The following ZNF831 variants were observed in gnomAD, a reference collection of about 807,000 sequenced individuals.
ZNF831 encodes the protein chromosome 20 open reading frame 174.
In ZNF831, 59 loss-of-function variants were observed where a neutral mutation model predicts 95.8. The ratio of observed to expected loss-of-function variants is 0.62; its 90% CI spans 0.50 to 0.77. The LOEUF (loss-of-function observed/expected upper bound fraction) is 0.77, where lower values mean the gene tolerates loss of function less well. Ranked by LOEUF, ZNF831 falls within the 30% of genes least tolerant of loss-of-function variation. The pLI is 0.00. For synonymous variants in ZNF831, 961 were observed against 925.5 expected (o/e 1.04, Z -0.70); for missense variants, 2,205 against 2,164.0 (o/e 1.02, Z -0.38).
rs1433868029 is a variant in ZNF831, at chr20:59,257,969, CCTCCTTGGCAACCT to C, written c.*3227_*3240del. On this transcript the variant is annotated 3_prime_UTR_variant, in exon 6 of 6. Transcript: ENST00000371030. ...TGGAGGGAAGAGGTTTCAATCCTTC[CCTCCTTGGCAACCT>C]ACATTGTTAAGTGACTCAAAGTCAT... 1 of 152,156 alleles carries C rather than the reference CCTCCTTGGCAACCT, an allele frequency of 6.6e-6. No homozygotes were observed. The highest frequency in any genetic ancestry group is 1.5e-5 in the Non-Finnish European group (1 of 68,036). The allele number at this position is 152,156 out of a possible 1,614,324, so 9.4% of individuals were successfully genotyped here.
chr20:59,214,532 C>T (rs924364249), intron 4 of ZNF831, among the ~76,000 whole-genome samples: 3 of 152,196 alleles, frequency 2.0e-5, no homozygotes, highest in African/African-American at 4.8e-5. Flanking sequence ...TCCCTTCTAG[C>T]CCAAGGAGAA....
At chr20:59,212,382 C>T (rs773756476) in intron 4 of ZNF831, among the ~76,000 whole-genome samples, 10 of 152,210 alleles carry the variant, frequency 6.6e-5, no homozygotes, top group Middle Eastern at 6.8e-3. Flanking sequence ...TGAGACTGCC[C>T]GGACAACTGA....
At chr20:59,157,651 G>A (rs1980612530) in intron 2 of ZNF831, among the ~76,000 whole-genome samples, 1 of 152,156 alleles carries the variant, frequency 6.6e-6, no homozygotes, top group Non-Finnish European at 1.5e-5. Context: ...GTTTCATAAG[G>A]ACAAAGGATT....
chr20:59,141,792 TGCTATGTCA>T (rs1979688809), intron 1 of ZNF831, among the ~76,000 whole-genome samples: 1 of 152,258 alleles, frequency 6.6e-6, no homozygotes, highest in African/African-American at 2.4e-5. Context: ...CACATAAGTT[TGCTATGTCA>T]GCTAGAGCTG....
At chr20:59,232,994 G>GCGCGCA (rs1491469214) in intron 4 of ZNF831, among the ~76,000 whole-genome samples, 11 of 123,084 alleles carry the variant, frequency 8.9e-5, no homozygotes, top group African/African-American at 3.4e-4. Flanking sequence ...GGACCCTGAG[G>GCGCGCA]CACACACACA....
rs1040714434 is a variant in ZNF831, at chr20:59,208,380, C to T, written c.4027+1324C>T. 2.0e-5 allele frequency among the ~76,000 whole-genome samples: 3 copies of T among 152,154 alleles called. No individual in the cohort carries two copies. Among genetic ancestry groups the T allele is most frequent in the Non-Finnish European group, 4.4e-5 (3 of 68,034 alleles). On this transcript the variant is annotated intron_variant, in intron 4 of 5. Coordinates refer to ENST00000371030, the MANE Select transcript of ZNF831 (RefSeq NM_178457.3). This position sits in a 1 kb window ranked among gnomAD's most constrained non-coding sequence, Gnocchi z 4.2. ...AGAGGATGTCTCCCCCATGCAAAGG[C>T]CAGGGGACCATGCAACTCTCTGCTT...
chr20:59,169,656 G>A lies in ZNF831; in HGVS notation c.-37+5449G>A, dbSNP rs1235608107. On this transcript the variant is annotated intron_variant, in intron 1 of 5. Coordinates refer to ENST00000371030, the MANE Select transcript of ZNF831 (RefSeq NM_178457.3). This position sits in a 1 kb window ranked among gnomAD's most constrained non-coding sequence, Gnocchi z 4.1. Reference sequence around the variant, plus strand: ...TGGTGCGCACCTGTAATCCCAGCATGTTGCAAGCTGAGGCAGGAGGATCAG... The same window carrying A: ...TGGTGCGCACCTGTAATCCCAGCATATTGCAAGCTGAGGCAGGAGGATCAG... 3.9e-5 allele frequency among the ~76,000 whole-genome samples: 6 copies of A among 152,038 alleles called. 1 individual carries two copies. Among genetic ancestry groups the A allele is most frequent in the Non-Finnish European group, 8.8e-5 (6 of 68,010 alleles).
At chr20:59,174,302 G>A (rs1981970794) in intron 1 of ZNF831, among the ~76,000 whole-genome samples, 3 of 152,164 alleles carry the variant, frequency 2.0e-5, no homozygotes, top group Admixed American at 6.5e-5. Flanking sequence ...TGCACAGGGA[G>A]CACTTTTGCA....
intron 1 of ZNF831, among the ~76,000 whole-genome samples, chr20:59,176,516 A>G (rs1417959128): frequency 6.6e-6 from 1 of 152,214 alleles, no homozygotes; most frequent in Non-Finnish European, 1.5e-5. Flanking sequence ...TTTGAGGAAC[A>G]TGATCTCTTG....
At chr20:59,140,998 C>A (rs1979660642) in intron 1 of ZNF831, among the ~76,000 whole-genome samples, 1 of 152,208 alleles carries the variant, frequency 6.6e-6, no homozygotes, top group Non-Finnish European at 1.5e-5. Flanking sequence ...CTCCCAGGTT[C>A]AAGCAATTCT....
intron 2 of ZNF831, among the ~76,000 whole-genome samples, chr20:59,149,669 A>G (rs1026536405): frequency 1.1e-4 from 16 of 152,342 alleles, no homozygotes; most frequent in Non-Finnish European, 2.2e-4. Context: ...GAGCCCCTGT[A>G]TGGAGAGCAG....
At chr20:59,224,700 A>G (rs977316266) in intron 4 of ZNF831, among the ~76,000 whole-genome samples, 8 of 152,254 alleles carry the variant, frequency 5.3e-5, no homozygotes, top group African/African-American at 1.9e-4. Context: ...AGAAGGTTTA[A>G]TAGTCGTTCA....
At chr20:59,136,882 G>A (rs1979527338) in intron 1 of ZNF831, among the ~76,000 whole-genome samples, 1 of 152,192 alleles carries the variant, frequency 6.6e-6, no homozygotes, top group Non-Finnish European at 1.5e-5. Context: ...ATGGCCTGAT[G>A]ACTAAATTCT....
chr20:59,177,675 G>A (rs924560874), intron 1 of ZNF831, among the ~76,000 whole-genome samples: 14 of 152,172 alleles, frequency 9.2e-5, no homozygotes, highest in African/African-American at 3.1e-4. Flanking sequence ...TTCCCTCACT[G>A]GCTGGACGAG....
intron 1 of ZNF831, among the ~76,000 whole-genome samples, chr20:59,186,341 G>C (rs1000083124): frequency 2.0e-5 from 3 of 152,184 alleles, no homozygotes; most frequent in Non-Finnish European, 2.9e-5. Context: ...CTGAGCTGAC[G>C]GATGGGGGAA....
chr20:59,194,668 C>T lies in ZNF831; in HGVS notation c.3649C>T (p.Arg1217Ter), dbSNP rs376362684. The change falls in exon 2 of 6, where the codon CGA (arginine) becomes TGA (stop). Residue 1217 changes from arginine to a stop codon, truncating the protein, a stop_gained. Coordinates refer to ENST00000371030, the MANE Select transcript of ZNF831 (RefSeq NM_178457.3). LOFTEE classifies it high-confidence loss of function. Reference sequence around the variant, plus strand: ...GGTGCACTTTCCTGGTAGCAGCCTCCGAGATGAGGGTCCCAATGGCCCTCC... The same window carrying T: ...GGTGCACTTTCCTGGTAGCAGCCTCTGAGATGAGGGTCCCAATGGCCCTCC... ...LAVHFPGSSL[R>*]DEGPNGPPGS... 6.2e-6 allele frequency: 10 copies of T among 1,612,986 alleles called. No individual in the cohort carries two copies. The highest frequency in any genetic ancestry group is 1.6e-4 in the Middle Eastern group (1 of 6,082).
Position 59,207,002 on chromosome 20 carries a change from C to T in ZNF831, c.3973C>T (p.Leu1325Phe). 1 of 1,614,222 alleles carries T rather than the reference C, an allele frequency of 6.2e-7. No homozygotes were observed. Among genetic ancestry groups the T allele is most frequent in the Non-Finnish European group, 8.5e-7 (1 of 1,180,036 alleles). The change falls in exon 4 of 6, where the codon CTT (leucine) becomes TTT (phenylalanine). Residue 1325 changes from leucine to phenylalanine, a missense_variant. By Grantham distance (22) the Leu-to-Phe change is conservative. Transcript: ENST00000371030. ...VRRRSRHPPA[L>F]EGLKPCRTPG... ...AAGAAGAAGCCGCCACCCTCCCGCA[C>T]TTGAGGGACTGAAGCCATGCAGGAC...
intron 4 of ZNF831, among the ~76,000 whole-genome samples, chr20:59,213,653 A>G (rs940814015): frequency 2.0e-5 from 3 of 152,168 alleles, no homozygotes; most frequent in East Asian, 1.9e-4. Context: ...ACCAGCCCCC[A>G]AATCTTTGAG....
chr20:59,181,775 G>A (rs1982634919), intron 1 of ZNF831, among the ~76,000 whole-genome samples: 2 of 118,924 alleles, frequency 1.7e-5, no homozygotes, highest in Admixed American at 7.5e-5. Context: ...CTGTAGCCTT[G>A]TAGTATAGTT....
Sources: allele counts gnomAD v4.1 joint callset (sites outside exome capture counted in the v4.1 genomes callset), GRCh38; gene constraint gnomAD v4.1.1; non-coding constraint Gnocchi (gnomAD v3.1); transcripts MANE v1.5; gene names NCBI Gene and HGNC (gene_info 2026-07-23, HGNC 2026-07-21).